The following TMEM229B variants were observed in gnomAD, a reference collection of about 807,000 sequenced individuals.
The protein encoded by TMEM229B is chromosome 14 open reading frame 83.
A neutral mutation model predicts 13.7 loss-of-function variants in TMEM229B; 6 were observed. The ratio of observed to expected loss-of-function variants is 0.44; its 90% CI spans 0.24 to 0.86. TMEM229B has a LOEUF of 0.86. Among genes scored for constraint, TMEM229B ranks in the 40% least tolerant of loss-of-function variants. TMEM229B has a pLI of 0.23. For missense variants in TMEM229B, 170 were observed against 236.0 expected, an observed-to-expected ratio of 0.72 and a Z score of 1.83; for synonymous variants, 107 against 102.1, an observed-to-expected ratio of 1.05 and a Z score of -0.29.
At chr14:67,530,156 G>A (rs534224434) in intron 1 of TMEM229B, among the ~76,000 whole-genome samples, 4 of 152,220 alleles carry the variant, frequency 2.6e-5, no homozygotes, top group South Asian at 4.2e-4. Flanking sequence ...AAGATCTCTC[G>A]TAAACTCCAG....
At position 67,473,926 on chromosome 14, in the gene TMEM229B, C is replaced by G. The variant is rs1281369614; in HGVS notation, c.-3G>C. The G allele has an allele frequency of 6.3e-7, 1 of 1,596,346 alleles. No individual in the cohort carries two copies. Among genetic ancestry groups the G allele is most frequent in the African/African-American group, 1.3e-5 (1 of 74,782 alleles). On this transcript the variant is annotated 5_prime_UTR_variant, in exon 3 of 3. Transcript: ENST00000554480. This position sits in a 1 kb window ranked among gnomAD's most constrained non-coding sequence, Gnocchi z 6.5. ...GTCAGGGGCTCGGCAGACGCCATGG[C>G]GCCGACTGGGGCTGGCTGCGGGGGG...
At chr14:67,495,493 T>C (rs886882686) in intron 1 of TMEM229B, among the ~76,000 whole-genome samples, 5 of 152,082 alleles carry the variant, frequency 3.3e-5, no homozygotes, top group Admixed American at 6.5e-5. Context: ...TGGATTTTTT[T>C]TTTTTTCAGA....
intron 1 of TMEM229B, among the ~76,000 whole-genome samples, chr14:67,499,081 T>G (rs1046854018): frequency 6.6e-6 from 1 of 151,962 alleles, no homozygotes; most frequent in African/African-American, 2.4e-5. Flanking sequence ...TAGGTCACCA[T>G]AAACTCAAAC....
rs541023812 is a variant in TMEM229B, at chr14:67,507,884, G to C, written c.-192+7202C>G. Reference sequence around the variant, plus strand: ...CTGGGCATGTTGGCTCACGCCTGTAGTCCCAGCACTTTGGGAGGCTGAGGC... The same window carrying C: ...CTGGGCATGTTGGCTCACGCCTGTACTCCCAGCACTTTGGGAGGCTGAGGC... On this transcript the variant is annotated intron_variant, in intron 1 of 2. Coordinates refer to the TMEM229B transcript ENST00000357461. 5.4e-3 allele frequency among the ~76,000 whole-genome samples: 823 copies of C among 152,258 alleles called. 9 individuals are homozygous for C. The highest frequency in any genetic ancestry group is 8.9e-3 in the Non-Finnish European group (606 of 68,012).
At chr14:67,482,318 G>C (rs1169917109) in intron 2 of TMEM229B, among the ~76,000 whole-genome samples, 10 of 152,202 alleles carry the variant, frequency 6.6e-5, no homozygotes, top group Admixed American at 6.5e-4. Context: ...CAGGCTGAAG[G>C]CAAAACCAGA....
At chr14:67,502,753 CAGA>C (rs2140203045) in intron 1 of TMEM229B, among the ~76,000 whole-genome samples, 1 of 152,226 alleles carries the variant, frequency 6.6e-6, no homozygotes, top group South Asian at 2.1e-4. Context: ...CGCCGGGCCC[CAGA>C]AGGTGATTTC....
chr14:67,525,106 A>G (rs1408995464), intron 1 of TMEM229B, among the ~76,000 whole-genome samples: 2 of 152,216 alleles, frequency 1.3e-5, no homozygotes, highest in Admixed American at 1.3e-4. Context: ...TACTCCTTGT[A>G]AAATGCTTAC....
chr14:67,530,198 G>A (rs1269723999), intron 1 of TMEM229B, among the ~76,000 whole-genome samples: 1 of 152,156 alleles, frequency 6.6e-6, no homozygotes, highest in Non-Finnish European at 1.5e-5. Context: ...AATAACAAAA[G>A]CTTCCATTTA....
chr14:67,522,923 C>T (rs1203998901), intron 1 of TMEM229B, among the ~76,000 whole-genome samples: 6 of 152,184 alleles, frequency 3.9e-5, no homozygotes, highest in East Asian at 1.9e-4. Context: ...CTATCTTGTC[C>T]GGGGAATTAG....
At chr14:67,528,901 T>C (rs888127430) in intron 1 of TMEM229B, among the ~76,000 whole-genome samples, 4 of 152,284 alleles carry the variant, frequency 2.6e-5, no homozygotes, top group South Asian at 2.1e-4. Flanking sequence ...GCCTGGAATC[T>C]GTATTTTCAG....
intron 1 of TMEM229B, among the ~76,000 whole-genome samples, chr14:67,509,710 C>A (rs956256018): frequency 6.6e-6 from 1 of 152,138 alleles, no homozygotes; most frequent in African/African-American, 2.4e-5. Flanking sequence ...TTATAAAACA[C>A]AATAGATTCA....
At position 67,476,804 on chromosome 14, in the gene TMEM229B, G is replaced by A. The variant is rs530925806; in HGVS notation, c.-18-2863C>T. On this transcript the variant is annotated intron_variant, in intron 2 of 2. Transcript: ENST00000554480. ...ATGACTGCCCATCTCTTAGACATAC[G>A]TACCAAATGTCTCTCCCCTGCTCAA... Among the ~76,000 whole-genome samples, 13 of 152,016 alleles carry A rather than the reference G, an allele frequency of 8.6e-5. No individual in the cohort carries two copies. The East Asian group carries it at 9.7e-4, about 11-fold the overall frequency.
chr14:67,513,976 C>CCT (rs1270275760), intron 1 of TMEM229B, among the ~76,000 whole-genome samples: 1 of 152,136 alleles, frequency 6.6e-6, no homozygotes, highest in Non-Finnish European at 1.5e-5. Flanking sequence ...GTTGCTTGGC[C>CCT]CTCCCTTGAT....
intron 1 of TMEM229B, chr14:67,503,675 C>T (rs1236848964): frequency 8.3e-6 from 1 of 119,894 alleles, no homozygotes; most frequent in Non-Finnish European, 1.9e-5. Flanking sequence ...CTCTCTGCCT[C>T]AGCTTACTTT....
intron 1 of TMEM229B, among the ~76,000 whole-genome samples, chr14:67,508,753 CAAAAA>C (rs757183130): frequency 2.1e-5 from 1 of 46,714 alleles, no homozygotes; most frequent in Non-Finnish European, 4.7e-5. Context: ...AACCTTGTCT[CAAAAA>C]AAAAAAAAAA....
intron 1 of TMEM229B, among the ~76,000 whole-genome samples, chr14:67,499,791 G>A (rs372110810): frequency 1.3e-5 from 2 of 152,054 alleles, no homozygotes; most frequent in Admixed American, 1.3e-4. Flanking sequence ...TGGGGGAAAG[G>A]CAGCCTCAAT....
At chr14:67,510,025 A>G (rs1566699842) in intron 1 of TMEM229B, among the ~76,000 whole-genome samples, 4 of 84,602 alleles carry the variant, frequency 4.7e-5, no homozygotes, top group African/African-American at 1.2e-4. Context: ...AAATTTTTTT[A>G]TTAAAAAAAA....
upstream of TMEM229B, among the ~76,000 whole-genome samples, chr14:67,492,986 C>T (rs1029855516): frequency 2.6e-4 from 40 of 152,056 alleles, no homozygotes; most frequent in Admixed American, 1.7e-3. Context: ...TAAAGAAACC[C>T]GATGCTGGAA....
intron 1 of TMEM229B, among the ~76,000 whole-genome samples, chr14:67,507,926 G>A (rs994929780): frequency 6.6e-6 from 1 of 152,066 alleles, no homozygotes; most frequent in African/African-American, 2.4e-5. Flanking sequence ...TTCACCTGAG[G>A]TTGGGAGTTC....
Sources: allele counts gnomAD v4.1 joint callset (sites outside exome capture counted in the v4.1 genomes callset), GRCh38; gene constraint gnomAD v4.1.1; non-coding constraint Gnocchi (gnomAD v3.1); transcripts MANE v1.5; gene names NCBI Gene and HGNC (gene_info 2026-07-23, HGNC 2026-07-21).